The following ADAM10 variants were observed in gnomAD, a reference collection of about 807,000 sequenced individuals.
ADAM10 encodes ADAM metallopeptidase domain 10.
A neutral mutation model predicts 90.1 loss-of-function variants in ADAM10; 17 were observed. The observed-to-expected ratio is 0.19, with a 90% CI of 0.13 to 0.28. ADAM10 has a LOEUF of 0.28. ADAM10 is among the 10% of genes least tolerant of loss of function. The pLI is 1.00. For synonymous variants in ADAM10, 310 were observed against 298.6 expected (o/e 1.04, Z -0.40); for missense variants, 610 against 914.3 (o/e 0.67, Z 4.29).
chr15:58,652,228 T>C (rs1269278149), intron 5 of ADAM10, among the ~76,000 whole-genome samples: 1 of 152,208 alleles, frequency 6.6e-6, no homozygotes, highest in African/African-American at 2.4e-5. Flanking sequence ...TATCCTTTGC[T>C]GAGCCGCAGC....
chr15:58,627,795 G>A lies in ADAM10; in HGVS notation c.1265C>T (p.Thr422Ile), dbSNP rs1359694844. 6.2e-7 allele frequency: 1 copy of A among 1,613,622 alleles called. No individual in the cohort carries two copies. The highest frequency in any genetic ancestry group is 8.5e-7 in the Non-Finnish European group (1 of 1,179,674). Residue 422 changes from threonine (T) to isoleucine (I), a missense_variant, in exon 10 of 16, where the codon ACA (threonine) becomes ATA (isoleucine). By Grantham distance (89) the Thr-to-Ile change is moderately conservative. Around this residue, in one of 4 missense-constraint regions of ADAM10, gnomAD observed 97 missense variants for 221.4 expected, o/e 0.44. Transcript: ENST00000260408. ...NGNYIMYARATSGDKLNNNKF... is the reference protein window; with the variant it reads ...NGNYIMYARAISGDKLNNNKF... ...ATTGTTGTTAAGTTTGTCCCCAGAT[G>A]TTGCTCTTGCATACATGATGTAATT...
intron 1 of ADAM10, among the ~76,000 whole-genome samples, chr15:58,720,191 A>G (rs1348059748): frequency 1.3e-5 from 2 of 152,178 alleles, no homozygotes; most frequent in African/African-American, 4.8e-5. Flanking sequence ...TTACGAGCAC[A>G]AAGAGCGGCA....
chr15:58,741,549 A>C (rs1379707817), intron 1 of ADAM10, among the ~76,000 whole-genome samples: 2 of 152,238 alleles, frequency 1.3e-5, no homozygotes, highest in African/African-American at 4.8e-5. Flanking sequence ...ATCCAGACTC[A>C]AAATCTTAAG....
chr15:58,702,657 T>C (rs916608332), intron 2 of ADAM10, among the ~76,000 whole-genome samples: 1 of 152,236 alleles, frequency 6.6e-6, no homozygotes, highest in African/African-American at 2.4e-5. Flanking sequence ...ACATTCCCAG[T>C]ATTGATTTAA....
intron 11 of ADAM10, among the ~76,000 whole-genome samples, chr15:58,621,023 G>A (rs1895767127): frequency 6.6e-6 from 1 of 151,786 alleles, no homozygotes; most frequent in Admixed American, 6.6e-5. Context: ...ATGTCCTTTT[G>A]TTAACATTCA....
intron 4 of ADAM10, among the ~76,000 whole-genome samples, chr15:58,667,157 T>A (rs893608891): frequency 1.6e-4 from 24 of 152,160 alleles, no homozygotes; most frequent in Non-Finnish European, 7.4e-5. Context: ...GAGTCATGGG[T>A]GTAGAATATT....
chr15:58,617,508 G>C (rs1895651459), intron 11 of ADAM10, among the ~76,000 whole-genome samples: 1 of 152,082 alleles, frequency 6.6e-6, no homozygotes. Context: ...AACAAGACAA[G>C]AATGTCCACT....
intron 2 of ADAM10, among the ~76,000 whole-genome samples, chr15:58,694,745 T>TAAA (rs111891600): frequency 2.9e-5 from 4 of 139,242 alleles, no homozygotes; most frequent in Non-Finnish European, 6.4e-5. Flanking sequence ...ACTCAGAAAT[T>TAAA]AAAAAAAAAA....
chr15:58,606,604 A>C (rs886733628), intron 14 of ADAM10, among the ~76,000 whole-genome samples: 4 of 152,236 alleles, frequency 2.6e-5, no homozygotes, highest in Non-Finnish European at 4.4e-5. Context: ...CAAAGCAATG[A>C]AACCACCTTC....
chr15:58,719,321 T>C (rs1898767899), intron 1 of ADAM10, among the ~76,000 whole-genome samples: 1 of 148,952 alleles, frequency 6.7e-6, no homozygotes, highest in African/African-American at 2.6e-5. Context: ...TGAAATTCCG[T>C]CTCAAAGAAA....
At chr15:58,712,523 CA>C (rs35146640) in intron 2 of ADAM10, among the ~76,000 whole-genome samples, 148 of 132,434 alleles carry the variant, frequency 1.1e-3, no homozygotes, top group Admixed American at 1.4e-3. Context: ...GGCCCTGTTT[CA>C]AAAAAAAAAA....
chr15:58,742,424 T>C (rs1179578974), intron 1 of ADAM10, among the ~76,000 whole-genome samples: 4 of 151,760 alleles, frequency 2.6e-5, no homozygotes, highest in African/African-American at 7.3e-5. Flanking sequence ...CACTGAACCA[T>C]CATCTCTGTT....
intron 1 of ADAM10, among the ~76,000 whole-genome samples, chr15:58,724,438 T>G (rs2140827473): frequency 6.6e-6 from 1 of 152,212 alleles, no homozygotes. Context: ...ATTAGAAAAC[T>G]AGATAAAAGA....
intron 14 of ADAM10, among the ~76,000 whole-genome samples, chr15:58,606,839 C>G (rs1895290097): frequency 6.6e-6 from 1 of 152,206 alleles, no homozygotes; most frequent in African/African-American, 2.4e-5. Flanking sequence ...GAGATCACCG[C>G]TCTCGATCAG....
chr15:58,688,352 A>C (rs1188363514), intron 2 of ADAM10, among the ~76,000 whole-genome samples: 1 of 152,034 alleles, frequency 6.6e-6, no homozygotes, highest in Non-Finnish European at 1.5e-5. Flanking sequence ...ATGTAGCAAG[A>C]CTCCATCTCT....
At chr15:58,712,856 C>A (rs906226578) in intron 2 of ADAM10, among the ~76,000 whole-genome samples, 3 of 151,846 alleles carry the variant, frequency 2.0e-5, no homozygotes, top group African/African-American at 7.3e-5. Flanking sequence ...AACGGCAGGA[C>A]AACATGGTAT....
At chr15:58,659,831 C>T (rs139807270) in intron 5 of ADAM10, among the ~76,000 whole-genome samples, 1,547 of 152,206 alleles carry the variant, frequency 0.01, 29 homozygotes, top group African/African-American at 0.035. Flanking sequence ...TGGATTCATG[C>T]CATTCTCCCG....
At chr15:58,620,547 A>C (rs1895749190) in intron 11 of ADAM10, among the ~76,000 whole-genome samples, 1 of 152,134 alleles carries the variant, frequency 6.6e-6, no homozygotes, top group African/African-American at 2.4e-5. Context: ...AATAGTTATA[A>C]CTTGCCAAGT....
intron 5 of ADAM10, among the ~76,000 whole-genome samples, chr15:58,660,269 C>G (rs1896936029): frequency 6.6e-6 from 1 of 152,054 alleles, no homozygotes; most frequent in Admixed American, 6.5e-5. Flanking sequence ...TCATGGCTCA[C>G]TGCAGTCTCA....
Sources: gnomAD v4.1 joint callset for allele counts (sites outside exome capture counted in the v4.1 genomes callset) on GRCh38, gnomAD v4.1.1 for gene constraint, gnomAD v4.1.1 regional missense constraint, MANE v1.5 for transcripts, NCBI Gene and HGNC (gene_info 2026-07-23, HGNC 2026-07-21) for gene names.